Variants in NFIA observed in about 807,000 individuals in gnomAD.
NFIA encodes the protein nuclear factor 1 A-type.
NFIA carries 8 observed loss-of-function variants against 62.8 expected under a neutral mutation model. That is an observed-to-expected ratio of 0.13 (90% CI 0.07 to 0.23). The LOEUF (loss-of-function observed/expected upper bound fraction) is 0.23. Among genes scored for constraint, NFIA ranks in the 10% least tolerant of loss-of-function variants. The probability of loss-of-function intolerance (pLI) is 1.00; values close to 1 mark genes in which losing one functional copy is unlikely to be tolerated. For synonymous variants in NFIA, 235 were observed against 238.1 expected, an observed-to-expected ratio of 0.99 and a Z score of 0.12; for missense variants, 410 against 642.1, an observed-to-expected ratio of 0.64 and a Z score of 3.91.
intron 2 of NFIA, among the ~76,000 whole-genome samples, chr1:61,260,672 C>A (rs1656708939): frequency 6.6e-6 from 1 of 152,342 alleles, no homozygotes; most frequent in Non-Finnish European, 1.5e-5. Flanking sequence ...GCTCCGCCTC[C>A]CGGGTTCATG....
chr1:61,082,466 CG>C, upstream of NFIA: 10 of 1,062,316 alleles, frequency 9.4e-6, no homozygotes, highest in Non-Finnish European at 1.1e-5. Context: ...CGCGGGCACC[CG>C]GCCGGGCCGG....
At chr1:61,357,361 T>G (rs1663017561) in intron 5 of NFIA, among the ~76,000 whole-genome samples, 1 of 152,224 alleles carries the variant, frequency 6.6e-6, no homozygotes, top group Admixed American at 6.5e-5. Flanking sequence ...GATTTCGGAC[T>G]GTGAGGGTGT....
At chr1:61,207,372 A>G (rs1652966542) in intron 2 of NFIA, among the ~76,000 whole-genome samples, 1 of 152,226 alleles carries the variant, frequency 6.6e-6, no homozygotes, top group Non-Finnish European at 1.5e-5. Context: ...ATTTAAAACA[A>G]GACCACAAGC....
chr1:61,388,702 G>A (rs1234593938), intron 7 of NFIA, among the ~76,000 whole-genome samples: 1 of 152,164 alleles, frequency 6.6e-6, no homozygotes, highest in Non-Finnish European at 1.5e-5. Context: ...TTATGGTCTG[G>A]GAATCTTTTG....
At chr1:61,268,505 C>G (rs1348792001) in intron 2 of NFIA, among the ~76,000 whole-genome samples, 5 of 151,952 alleles carry the variant, frequency 3.3e-5, no homozygotes, top group Admixed American at 3.3e-4. Context: ...CCTTGTCATC[C>G]AAAATTTCTA....
chr1:61,219,722 A>AACAAAAAAG (rs1653894921), intron 2 of NFIA, among the ~76,000 whole-genome samples: 1 of 148,974 alleles, frequency 6.7e-6, no homozygotes, highest in African/African-American at 2.5e-5. Flanking sequence ...TCAAAAAAAA[A>AACAAAAAAG]AAAAGAAAAA....
chr1:61,085,017 T>C (rs1208618453), intron 1 of NFIA, among the ~76,000 whole-genome samples: 1 of 152,174 alleles, frequency 6.6e-6, no homozygotes, highest in Non-Finnish European at 1.5e-5. Flanking sequence ...TTATGGGTTC[T>C]GCTTTTAAAA....
chr1:61,087,102 A>C (rs141324719), intron 1 of NFIA, among the ~76,000 whole-genome samples: 122 of 152,228 alleles, frequency 8.0e-4, no homozygotes, highest in African/African-American at 2.8e-3. Context: ...TTCCTAAGAA[A>C]ATGTCATGTA....
At chr1:61,216,652 G>A (rs1653642764) in intron 2 of NFIA, among the ~76,000 whole-genome samples, 1 of 152,186 alleles carries the variant, frequency 6.6e-6, no homozygotes, top group African/African-American at 2.4e-5. Flanking sequence ...CTAGTGTGTA[G>A]CAATAACTTT....
In NFIA at chr1:61,460,248, C is replaced by T. The variant is rs556443466; in HGVS notation, c.*4928C>T. 4 of 152,260 alleles carry T rather than the reference C, an allele frequency of 2.6e-5. No homozygotes were observed. The highest frequency in any genetic ancestry group is 2.1e-4 in the South Asian group (1 of 4,820). 9.4% of individuals were successfully genotyped at this position (152,260 alleles called of 1,614,324 possible). A position where few individuals can be genotyped will look rare whatever the true frequency, so the allele number is the denominator to read the frequency against. ...CAAGGCTGTGCATTCGTCTAATTAG[C>T]GTCGTGTATGTTTTCCTTTTATTTT... On this transcript the variant is annotated 3_prime_UTR_variant, in exon 11 of 11. Coordinates refer to ENST00000403491, the MANE Select transcript of NFIA (RefSeq NM_001134673.4).
At chr1:61,454,899 A>G (rs1027779985) in intron 10 of NFIA, among the ~76,000 whole-genome samples, 3 of 152,190 alleles carry the variant, frequency 2.0e-5, no homozygotes, top group Non-Finnish European at 4.4e-5. Flanking sequence ...TTCTCCATTC[A>G]TTCAACTCTT....
intron 5 of NFIA, among the ~76,000 whole-genome samples, chr1:61,355,031 A>G (rs1662757314): frequency 6.6e-6 from 1 of 152,192 alleles, no homozygotes; most frequent in Non-Finnish European, 1.5e-5. Flanking sequence ...GGCATTTTGC[A>G]GTCTTAGGAA....
At chr1:61,124,089 G>A (rs1434971951) in intron 2 of NFIA, among the ~76,000 whole-genome samples, 1 of 152,210 alleles carries the variant, frequency 6.6e-6, no homozygotes, top group African/African-American at 2.4e-5. Context: ...GAGCCATTAG[G>A]ATCATGTTTT....
At position 61,297,653 on chromosome 1, in the gene NFIA, A is replaced by G. The variant is rs558962384; in HGVS notation, c.625+20068A>G. On this transcript the variant is annotated intron_variant, in intron 3 of 10. Coordinates refer to ENST00000403491, the MANE Select transcript of NFIA (RefSeq NM_001134673.4). The stretch of plus-strand genomic sequence containing the variant: ...AGGGTGCTGTTGAAGACACATGGCT[A>G]TAGCAACATGTTTTGGATGCAGTCC... Among the ~76,000 whole-genome samples the G allele has an allele frequency of 2.0e-5, 3 of 152,266 alleles. No homozygotes were observed. The South Asian group carries it at 6.2e-4, about 32-fold the overall frequency.
chr1:61,416,203 A>G (rs1666340706), intron 9 of NFIA, among the ~76,000 whole-genome samples: 1 of 152,178 alleles, frequency 6.6e-6, no homozygotes, highest in East Asian at 1.9e-4. Context: ...CCAGTGAGAA[A>G]GATATTGCTA....
intron 3 of NFIA, among the ~76,000 whole-genome samples, chr1:61,315,382 A>G (rs1660318195): frequency 6.6e-6 from 1 of 152,198 alleles, no homozygotes; most frequent in Non-Finnish European, 1.5e-5. Context: ...GCATACATAT[A>G]TGTTTGTGTA....
At chr1:61,414,779 G>GT (rs529623603) in intron 9 of NFIA, among the ~76,000 whole-genome samples, 7 of 151,596 alleles carry the variant, frequency 4.6e-5, no homozygotes, top group South Asian at 2.1e-4. Context: ...TCGCGGAACT[G>GT]TTTTTTTTCA....
At chr1:61,355,198 A>C (rs1662860660) in intron 5 of NFIA, among the ~76,000 whole-genome samples, 2 of 152,204 alleles carry the variant, frequency 1.3e-5, no homozygotes, top group Non-Finnish European at 2.9e-5. Flanking sequence ...CCTTAGGAGA[A>C]TATTCATCCT....
intron 10 of NFIA, among the ~76,000 whole-genome samples, chr1:61,431,818 T>C (rs75619349): frequency 0.019 from 2,897 of 152,306 alleles, 39 homozygotes; most frequent in Non-Finnish European, 0.032. Flanking sequence ...TTTTGAGCTG[T>C]TGCCATTCCG....
Sources: gnomAD v4.1 joint callset for allele counts (sites outside exome capture counted in the v4.1 genomes callset) on GRCh38, gnomAD v4.1.1 for gene constraint, MANE v1.5 for transcripts, NCBI Gene and HGNC (gene_info 2026-07-23, HGNC 2026-07-21) for gene names.